The following STOX2 variants were observed in gnomAD, a reference collection of about 807,000 sequenced individuals.
STOX2 encodes storkhead-box protein 2.
Under a neutral mutation model 60.9 loss-of-function variants are expected in STOX2, and 28 were observed. The observed-to-expected ratio is 0.46, with a 90% CI of 0.34 to 0.63. STOX2 has a LOEUF of 0.63. Among genes scored for constraint, STOX2 ranks in the 30% least tolerant of loss-of-function variants. The pLI, the probability that STOX2 is intolerant of heterozygous loss-of-function variation, is 0.01. For missense variants in STOX2, 1,024 were observed against 1,187.7 expected (o/e 0.86, Z 2.03); for synonymous variants, 472 against 463.9 (o/e 1.02, Z -0.22).
chr4:184,007,467 G>A (rs936568156), intron 2 of STOX2, among the ~76,000 whole-genome samples: 1 of 152,318 alleles, frequency 6.6e-6, no homozygotes, highest in South Asian at 2.1e-4. Context: ...CACTCTCTGT[G>A]TGCCAGGCAC....
chr4:183,946,940 A>G (rs945917412), intron 1 of STOX2, among the ~76,000 whole-genome samples: 4 of 152,142 alleles, frequency 2.6e-5, no homozygotes, highest in East Asian at 1.9e-4. Flanking sequence ...AACTATTTAC[A>G]TAGTATTTAC....
In STOX2 at chr4:183,854,969, G is replaced by A. The variant is rs77792613; in HGVS notation, c.364+56914G>A. Among the ~76,000 whole-genome samples the A allele has an allele frequency of 1.3e-3, 194 of 152,274 alleles. 5 individuals carry two copies. The East Asian group carries it at 0.033, about 26-fold the overall frequency. Reference sequence around the variant, plus strand: ...TAGACTAGTGTCCCGAATATGAAATGTTCCATGGATAGATTTGTTCATTCT... The same window carrying A: ...TAGACTAGTGTCCCGAATATGAAATATTCCATGGATAGATTTGTTCATTCT... On this transcript the variant is annotated intron_variant, in intron 1 of 2. Transcript: ENST00000513034.
At chr4:183,913,174 C>T (rs777733314) in intron 1 of STOX2, among the ~76,000 whole-genome samples, 5 of 152,042 alleles carry the variant, frequency 3.3e-5, no homozygotes, top group African/African-American at 4.8e-5. Context: ...GTTGAGGAAG[C>T]GGTACAAACC....
chr4:183,940,174 A>G (rs959099964), intron 1 of STOX2, among the ~76,000 whole-genome samples: 2 of 152,168 alleles, frequency 1.3e-5, no homozygotes, highest in Non-Finnish European at 2.9e-5. Flanking sequence ...AAGTGCTGGG[A>G]TTACAGGCGT....
At chr4:183,841,874 A>G (rs1336786636) in intron 1 of STOX2, among the ~76,000 whole-genome samples, 5 of 152,238 alleles carry the variant, frequency 3.3e-5, no homozygotes, top group Non-Finnish European at 7.3e-5. Context: ...TAATTTTCCC[A>G]TAGAGTCATA....
chr4:183,901,275 A>G (rs577714438), upstream of STOX2, among the ~76,000 whole-genome samples: 123 of 152,268 alleles, frequency 8.1e-4, no homozygotes, highest in African/African-American at 2.9e-3. Flanking sequence ...AGATTCCATT[A>G]TATGTATATA....
At chr4:183,886,911 A>G (rs756236703) in intron 1 of STOX2, among the ~76,000 whole-genome samples, 1 of 152,124 alleles carries the variant, frequency 6.6e-6, no homozygotes, top group Non-Finnish European at 1.5e-5. Flanking sequence ...CTATGTTCCT[A>G]TCCATCTTGA....
At position 183,833,529 on chromosome 4, in the gene STOX2, G is replaced by C. The variant is rs571956144; in HGVS notation, c.364+35474G>C. ...TGAAAAAATCCAAATGCAAACAGTG[G>C]TATGTCAGAAGAAATGGTTTCAAGT... On this transcript the variant is annotated intron_variant, in intron 1 of 2. Transcript: ENST00000513034. Among the ~76,000 whole-genome samples the C allele has an allele frequency of 2.8e-4, 42 of 152,132 alleles. 1 individual carries two copies. The highest frequency in any genetic ancestry group is 6.8e-3 in the Middle Eastern group (2 of 294).
At chr4:183,971,517 G>C (rs572181413) in intron 1 of STOX2, among the ~76,000 whole-genome samples, 1 of 152,142 alleles carries the variant, frequency 6.6e-6, no homozygotes, top group Admixed American at 6.5e-5. Context: ...AATCAGTTTG[G>C]CTTCTCATTA....
upstream of STOX2, among the ~76,000 whole-genome samples, chr4:183,904,265 C>A (rs764284777): frequency 6.6e-6 from 1 of 152,216 alleles, no homozygotes; most frequent in Non-Finnish European, 1.5e-5. Context: ...TGCTAATGGG[C>A]CGAGGACTAG....
chr4:183,874,947 AAAAAAATATATATATATATATATATATAT>A (rs1740784756), intron 1 of STOX2, among the ~76,000 whole-genome samples: 2 of 78,658 alleles, frequency 2.5e-5, no homozygotes, highest in Admixed American at 1.6e-4. Flanking sequence ...AAAAAAAAAA[AAAAAAATATATATATATATATATATATAT>A]ATATATATAT....
intron 1 of STOX2, among the ~76,000 whole-genome samples, chr4:183,898,733 G>T (rs997672855): frequency 1.1e-4 from 16 of 152,176 alleles, no homozygotes; most frequent in Non-Finnish European, 1.8e-4. Flanking sequence ...GGAGGGAAGA[G>T]TTTTAAGGGG....
chr4:183,799,922 C>T (rs749162390), intron 1 of STOX2, among the ~76,000 whole-genome samples: 3 of 152,154 alleles, frequency 2.0e-5, no homozygotes, highest in Non-Finnish European at 4.4e-5. Flanking sequence ...GCCTGCCAGC[C>T]TCTGTAGTAC....
At chr4:183,975,071 T>G (rs76593510) in intron 1 of STOX2, among the ~76,000 whole-genome samples, 5,219 of 152,052 alleles carry the variant, frequency 0.034, 111 homozygotes, top group East Asian at 0.076. Context: ...ACTAGGAAAT[T>G]AAACAACCTA....
chr4:183,964,803 C>CAT (rs958780536), intron 1 of STOX2, among the ~76,000 whole-genome samples: 8 of 152,126 alleles, frequency 5.3e-5, no homozygotes, highest in African/African-American at 1.9e-4. Context: ...AGGCTGGTCT[C>CAT]AAACTCCCGA....
chr4:183,827,451 C>A (rs896823840), intron 1 of STOX2, among the ~76,000 whole-genome samples: 1 of 151,954 alleles, frequency 6.6e-6, no homozygotes, highest in Non-Finnish European at 1.5e-5. Context: ...GGGATCATAC[C>A]ACTGCACTCC....
At chr4:183,819,290 C>T (rs1739243912) in intron 1 of STOX2, among the ~76,000 whole-genome samples, 1 of 152,082 alleles carries the variant, frequency 6.6e-6, no homozygotes, top group South Asian at 2.1e-4. Flanking sequence ...CATCTGCAAT[C>T]CCGGCACCTC....
At chr4:183,885,180 C>A (rs1741052890) in intron 1 of STOX2, among the ~76,000 whole-genome samples, 1 of 152,098 alleles carries the variant, frequency 6.6e-6, no homozygotes, top group Non-Finnish European at 1.5e-5. Context: ...CGCCCACCGC[C>A]CCCCACCCAC....
chr4:183,893,771 A>C (rs2053169), intron 1 of STOX2, among the ~76,000 whole-genome samples: 138,584 of 152,164 alleles, frequency 0.91, 63,503 homozygotes, highest in Admixed American at 0.96. Flanking sequence ...TTAAAAAAAA[A>C]CAAAAAACTA....
Sources: allele counts gnomAD v4.1 joint callset (sites outside exome capture counted in the v4.1 genomes callset), GRCh38; gene constraint gnomAD v4.1.1; transcripts MANE v1.5; gene names NCBI Gene and HGNC (gene_info 2026-07-23, HGNC 2026-07-21).